Variants in HGSNAT observed in about 807,000 individuals in gnomAD.
The protein encoded by HGSNAT is heparan-alpha-glucosaminide N-acetyltransferase, also known as transmembrane protein 76.
A neutral mutation model predicts 85.2 loss-of-function variants in HGSNAT; 59 were observed. That is an observed-to-expected ratio of 0.69 (90% confidence interval 0.56 to 0.86). The LOEUF is 0.86. Ranked by LOEUF, HGSNAT falls within the 40% of genes least tolerant of loss-of-function variation. The probability of loss-of-function intolerance (pLI) is 0.00; values close to 1 mark genes in which losing one functional copy is unlikely to be tolerated. For synonymous variants in HGSNAT, 321 were observed against 304.5 expected (o/e 1.05, Z -0.56); for missense variants, 756 against 777.1 (o/e 0.97, Z 0.32).
chr8:43,158,679 G>T lies in HGSNAT; in HGVS notation c.339G>T (p.Leu113=). The change falls in exon 3 of 18, where the codon CTG becomes CTT. Residue 113 remains leucine, a synonymous_variant. Transcript: ENST00000379644. ...CCCAGCACGGATCTATCCTGCAGCT[G>T]AACGACACCTTGGAAGAGAAAGAAG... ...VSTQHGSILQ[L]NDTLEEKEVC... 1 of 1,611,416 alleles carries T rather than the reference G, an allele frequency of 6.2e-7. No homozygotes were observed. The highest frequency in any genetic ancestry group is 8.5e-7 in the Non-Finnish European group (1 of 1,178,508).
chr8:43,178,506 C>T (rs969514328), intron 10 of HGSNAT, among the ~76,000 whole-genome samples: 3 of 151,226 alleles, frequency 2.0e-5, no homozygotes, highest in African/African-American at 7.3e-5. Context: ...TCTGGATTAT[C>T]TGAGTGTAGT....
At chr8:43,173,897 C>A in intron 9 of HGSNAT, 154 bp downstream of exon 9, 2 of 750,466 alleles carry the variant, frequency 2.7e-6, no homozygotes, top group Non-Finnish European at 4.3e-6. Context: ...TCATACTTGA[C>A]CCAGTGCCTA....
At chr8:43,165,202 CT>C (rs1803396010) in intron 5 of HGSNAT, among the ~76,000 whole-genome samples, 1 of 151,980 alleles carries the variant, frequency 6.6e-6, no homozygotes, top group Admixed American at 6.6e-5. Flanking sequence ...ATATTTCAAA[CT>C]TTTTCATACT....
intron 11 of HGSNAT, among the ~76,000 whole-genome samples, chr8:43,187,663 G>A (rs1355772757): frequency 6.6e-6 from 1 of 152,208 alleles, no homozygotes; most frequent in African/African-American, 2.4e-5. Flanking sequence ...ATATCGTTAT[G>A]TGTGAATTTG....
chr8:43,140,622 C>G lies in HGSNAT; in HGVS notation c.118+8C>G, dbSNP rs2130648798. 3 of 1,218,650 alleles carry G rather than the reference C, an allele frequency of 2.5e-6. No individual in the cohort carries two copies. Among genetic ancestry groups the G allele is most frequent in the Non-Finnish European group, 3.1e-6 (3 of 962,972 alleles). The allele number at this position is 1,218,650 out of a possible 1,614,324, so 75.5% of individuals were successfully genotyped here. ...AGGCCGCGCCGCCACGAGGTGAGTG[C>G]ACACCTCCTACCGCCGCCCGGCCGG... On this transcript the variant is annotated splice_region_variant and intron_variant, in intron 1 of 17. Coordinates refer to ENST00000379644, the MANE Select transcript of HGSNAT (RefSeq NM_152419.3).
chr8:43,158,925 T>C lies in HGSNAT; in HGVS notation c.374T>C (p.Leu125Ser). 6.2e-7 allele frequency: 1 copy of C among 1,606,450 alleles called. No individual in the cohort carries two copies. The highest frequency in any genetic ancestry group is 8.5e-7 in the Non-Finnish European group (1 of 1,175,670). The part of the protein sequence containing the change: ...DTLEEKEVCR[L>S]EYRFGEFGNY... The stretch of plus-strand genomic sequence containing the variant: ...TTAATTTTACCTAATGTTTGTAGGT[T>C]GGAATACAGATTTGGAGAATTTGGA... The change falls in exon 4 of 18, where the codon TTG becomes TCG. Residue 125 changes from leucine (L) to serine (S), a missense_variant and splice_region_variant. Transcript: ENST00000379644.
intron 11 of HGSNAT, among the ~76,000 whole-genome samples, chr8:43,184,429 G>A (rs543750054): frequency 1.1e-3 from 162 of 152,272 alleles, no homozygotes; most frequent in African/African-American, 3.7e-3. Flanking sequence ...CTGCATAAAT[G>A]TCTTCTTTTG....
In HGSNAT at chr8:43,201,751, G is replaced by A. The variant is rs1804923584; in HGVS notation, c.*2182G>A. On this transcript the variant is annotated 3_prime_UTR_variant, in exon 18 of 18. Transcript: ENST00000379644. The surrounding 1 kb of genome is among the most constrained non-coding windows in gnomAD (Gnocchi z 4.4). ...CCTAAGGCAAGAATCATGCCTTGTT[G>A]GTTTCTGTATTCCTCATGGTGCCAA... The A allele has an allele frequency of 6.6e-6, 1 of 152,186 alleles. No individual in the cohort carries two copies. The highest frequency in any genetic ancestry group is 6.5e-5 in the Admixed American group (1 of 15,280). The allele number at this position is 152,186 out of a possible 1,614,324, so 9.4% of individuals were successfully genotyped here. A position where few individuals can be genotyped will look rare whatever the true frequency, so the allele number is the denominator to read the frequency against.
Position 43,179,574 on chromosome 8 carries a change from G to A in HGSNAT, c.1012+1340G>A, listed in dbSNP as rs993716484. 2.3e-4 allele frequency among the ~76,000 whole-genome samples: 25 copies of A among 106,476 alleles called. 1 individual carries two copies. The highest frequency in any genetic ancestry group is 7.2e-4 in the African/African-American group (18 of 25,168). 69.9% of individuals were successfully genotyped at this position (106,476 alleles called of 152,430 possible). On this transcript the variant is annotated intron_variant, in intron 10 of 17. Transcript: ENST00000379644. ...TCCCTCCCGGACGGGGCGGCTGGCC[G>A]GACAGAGGGGCTCCTCACTTTCCAG...
At chr8:43,162,656 A>T (rs1803302728) in intron 5 of HGSNAT, among the ~76,000 whole-genome samples, 1 of 150,124 alleles carries the variant, frequency 6.7e-6, no homozygotes. Context: ...GGCTCAGGTG[A>T]TTCTCCCACC....
At chr8:43,161,678 G>A (rs1350537807) in intron 5 of HGSNAT, among the ~76,000 whole-genome samples, 171 bp downstream of exon 5, 2 of 152,174 alleles carry the variant, frequency 1.3e-5, no homozygotes, top group Non-Finnish European at 2.9e-5. Context: ...CTAAGACGTG[G>A]TCTCTGACTT....
chr8:43,170,924 T>C (rs914027104), intron 7 of HGSNAT, among the ~76,000 whole-genome samples: 8 of 152,228 alleles, frequency 5.3e-5, no homozygotes, highest in African/African-American at 1.4e-4. Context: ...AGAGCCAGTG[T>C]CCACTTGGAT....
rs1170457533 is a variant in HGSNAT at position 43,158,453 on chromosome 8, GT to G, written c.235-115del. 35 of 1,002,476 alleles carry G rather than the reference GT, an allele frequency of 3.5e-5. No individual in the cohort carries two copies. The South Asian group carries it at 5.1e-4, about 15-fold the overall frequency. The allele number at this position is 1,002,476 out of a possible 1,614,324, so 62.1% of individuals were successfully genotyped here. On this transcript the variant is annotated intron_variant, in intron 2 of 17. Transcript: ENST00000379644. ...AAATTTAAATTATTGAAATGTAGAG[GT>G]TTTTTTATAAGTATGAAGGAAAAGT...
intron 14 of HGSNAT, among the ~76,000 whole-genome samples, chr8:43,195,054 A>C (rs1804660796): frequency 6.6e-6 from 1 of 152,126 alleles, no homozygotes. Context: ...GGGGAGTGTG[A>C]CTGAGGAACT....
At chr8:43,192,515 C>T in intron 13 of HGSNAT, 85 bp downstream of exon 13, 1 of 1,430,050 alleles carries the variant, frequency 7.0e-7, no homozygotes, top group Non-Finnish European at 9.4e-7. Flanking sequence ...AACGTTAAAC[C>T]ATGCCCATTT....
chr8:43,141,436 G>C (rs1182314083), intron 1 of HGSNAT, among the ~76,000 whole-genome samples: 1 of 152,128 alleles, frequency 6.6e-6, no homozygotes, highest in Admixed American at 6.5e-5. Context: ...CTCCGAACTC[G>C]GTGGGGAAAA....
chr8:43,146,026 G>A (rs559013403), intron 1 of HGSNAT, among the ~76,000 whole-genome samples: 2 of 152,300 alleles, frequency 1.3e-5, no homozygotes, highest in East Asian at 3.9e-4. Context: ...GACAAGAGCA[G>A]TTCACTTTAT....
intron 10 of HGSNAT, among the ~76,000 whole-genome samples, chr8:43,181,207 G>A (rs1283289122): frequency 2.1e-5 from 1 of 47,574 alleles, no homozygotes; most frequent in African/African-American, 8.3e-5. Context: ...GAGGGAGAGG[G>A]AGAGGGAGAG....
At position 43,191,464 on chromosome 8, in the gene HGSNAT, C is replaced by A. The variant is rs894662865; in HGVS notation, c.1129-10C>A. 1.9e-6 allele frequency: 3 copies of A among 1,610,272 alleles called. No individual in the cohort carries two copies. Among genetic ancestry groups the A allele is most frequent in the Admixed American group, 1.7e-5 (1 of 59,930 alleles). ...GTTCACCCGTGTTTTATTTTTCTGCCCCCACTCAGGAGAGGAGCTGCCTTT... is the reference window on the plus strand; with the variant it reads ...GTTCACCCGTGTTTTATTTTTCTGCACCCACTCAGGAGAGGAGCTGCCTTT... On this transcript the variant is annotated splice_polypyrimidine_tract_variant and intron_variant, in intron 11 of 17. Coordinates refer to ENST00000379644, the MANE Select transcript of HGSNAT (RefSeq NM_152419.3).
Sources: gnomAD v4.1 joint callset for allele counts (sites outside exome capture counted in the v4.1 genomes callset) on GRCh38, gnomAD v4.1.1 for gene constraint, Gnocchi (gnomAD v3.1) non-coding constraint, MANE v1.5 for transcripts, NCBI Gene and HGNC (gene_info 2026-07-23, HGNC 2026-07-21) for gene names.